Variants in STX17 observed in about 807,000 individuals in gnomAD.
The protein encoded by STX17 is syntaxin 17, also known as syntaxin-17.
Under a neutral mutation model 35.9 loss-of-function variants are expected in STX17, and 29 were observed. The observed-to-expected ratio is 0.81, with a 90% CI of 0.60 to 1.10. The LOEUF (loss-of-function observed/expected upper bound fraction) is 1.10. Among genes scored for constraint, STX17 ranks in the 50% least tolerant of loss-of-function variants. STX17 has a pLI of 0.00. For missense variants in STX17, 312 were observed against 352.3 expected, an observed-to-expected ratio of 0.89 and a Z score of 0.92; for synonymous variants, 92 against 118.3, an observed-to-expected ratio of 0.78 and a Z score of 1.44.
In STX17 at chr9:99,951,230, T is replaced by C. The variant is rs762206454; in HGVS notation, c.360T>C (p.Phe120=). 1 of 1,612,938 alleles carries C rather than the reference T, an allele frequency of 6.2e-7. No homozygotes were observed. The highest frequency in any genetic ancestry group is 1.3e-5 in the African/African-American group (1 of 74,870). Residue 120 remains phenylalanine, a synonymous_variant, in exon 4 of 8, where the codon TTT becomes TTC. Transcript: ENST00000259400. ...CTGTAGAAGAACTTAAGAAGCAATT[T>C]AATGATGAAGAAACTTTGCTACAGC... ...LESVEELKKQ[F]NDEETLLQPP...
Position 99,951,163 on chromosome 9 carries a change from C to CTGTTA in STX17, c.293_294insTGTTA (p.Ser99ValfsTer17). 6.2e-7 allele frequency: 1 copy of CTGTTA among 1,613,076 alleles called. No individual in the cohort carries two copies. Among genetic ancestry groups the CTGTTA allele is most frequent in the Non-Finnish European group, 8.5e-7 (1 of 1,179,240 alleles). ...ATGATAGATCCTGTTAAAGAAGAAG[C>CTGTTA]ATCAGCAGCAACAGCAGAATTTCTC... On this transcript the variant is annotated frameshift_variant, in exon 4 of 8. Coordinates refer to ENST00000259400, the MANE Select transcript of STX17 (RefSeq NM_017919.3). LOFTEE classifies it high-confidence loss of function.
intron 3 of STX17, among the ~76,000 whole-genome samples, chr9:99,933,167 C>T (rs1027761660): frequency 3.8e-4 from 58 of 152,262 alleles, no homozygotes; most frequent in African/African-American, 1.3e-3. Flanking sequence ...TTGAAAATCA[C>T]TTGTGTGTTA....
At chr9:99,913,309 T>G (rs958443490) in intron 1 of STX17, among the ~76,000 whole-genome samples, 1 of 152,120 alleles carries the variant, frequency 6.6e-6, no homozygotes, top group Non-Finnish European at 1.5e-5. Flanking sequence ...GGACTTCTAC[T>G]TGTTATTAAG....
chr9:99,940,375 G>A (rs1471867383), intron 3 of STX17, among the ~76,000 whole-genome samples: 11 of 151,674 alleles, frequency 7.3e-5, no homozygotes, highest in Admixed American at 2.6e-4. Flanking sequence ...CAAGTGATCC[G>A]CCCGCGTCGG....
chr9:99,944,968 A>G (rs888849837), intron 3 of STX17, among the ~76,000 whole-genome samples: 10 of 152,208 alleles, frequency 6.6e-5, no homozygotes, highest in African/African-American at 2.4e-4. Flanking sequence ...TCTGTATGAT[A>G]TCAGTGTCAA....
rs1829802972 is a variant in STX17, at chr9:99,960,296, TG to T, written c.582+142del. On this transcript the variant is annotated intron_variant, in intron 6 of 7. Transcript: ENST00000259400. ...ATTAAGCCATAGATAGAAGTTTAAC[TG>T]TTCTCAAATTCCAGATTAATTCAAG... The T allele has an allele frequency of 7.0e-6, 6 of 856,412 alleles. No homozygotes were observed. In the South Asian group the frequency reaches 1.1e-4, roughly 16 times the overall value. 53.1% of individuals were successfully genotyped at this position (856,412 alleles called of 1,614,324 possible).
chr9:99,927,660 A>T (rs554655781), intron 2 of STX17, among the ~76,000 whole-genome samples: 1 of 152,088 alleles, frequency 6.6e-6, no homozygotes, highest in African/African-American at 2.4e-5. Context: ...TACTTTTAGT[A>T]GAGACGGGGT....
At chr9:99,937,780 G>C (rs768689801) in intron 3 of STX17, 2 of 152,040 alleles carry the variant, frequency 1.3e-5, no homozygotes, top group African/African-American at 4.8e-5. Flanking sequence ...TGTGTCTAGT[G>C]ATATTTGATT....
In STX17 at chr9:99,967,568, C is replaced by T. The variant is rs893114909; in HGVS notation, c.583-85C>T. 4.1e-6 allele frequency: 5 copies of T among 1,221,186 alleles called. No individual in the cohort carries two copies. The African/African-American group carries it at 6.0e-5, about 15-fold the overall frequency. 75.6% of individuals were successfully genotyped at this position (1,221,186 alleles called of 1,614,324 possible). Reference sequence around the variant, plus strand: ...ATGGCAAGGCTGCAGTACCCAGGGCCCTGATTACAGGAATTAAAATAGTGT... The same window carrying T: ...ATGGCAAGGCTGCAGTACCCAGGGCTCTGATTACAGGAATTAAAATAGTGT... On this transcript the variant is annotated intron_variant, in intron 6 of 7. Transcript: ENST00000259400.
At chr9:99,949,610 C>T (rs904691413) in intron 3 of STX17, among the ~76,000 whole-genome samples, 1 of 151,822 alleles carries the variant, frequency 6.6e-6, no homozygotes, top group Non-Finnish European at 1.5e-5. Context: ...TGTAACACCT[C>T]ACTCAGAGTA....
intron 4 of STX17, among the ~76,000 whole-genome samples, chr9:99,955,734 A>G (rs1302477817): frequency 1.3e-5 from 2 of 152,116 alleles, no homozygotes; most frequent in African/African-American, 2.4e-5. Flanking sequence ...TTTAAAACCA[A>G]TCCTGGGGTT....
chr9:99,913,039 G>A (rs918081096), intron 1 of STX17, among the ~76,000 whole-genome samples: 3 of 151,840 alleles, frequency 2.0e-5, no homozygotes, highest in Non-Finnish European at 2.9e-5. Context: ...CACTTTGAAG[G>A]TATTTCTGTC....
chr9:99,932,397 A>C (rs1487244640), intron 3 of STX17, among the ~76,000 whole-genome samples: 1 of 21,918 alleles, frequency 4.6e-5, no homozygotes, highest in African/African-American at 2.7e-4. Flanking sequence ...ATCTCTCTAT[A>C]GCTGTATTTA....
chr9:99,921,512 A>G (rs776866107), intron 2 of STX17, among the ~76,000 whole-genome samples: 1 of 151,710 alleles, frequency 6.6e-6, no homozygotes, highest in African/African-American at 2.4e-5. Context: ...ATAATTATGC[A>G]TTCTTTGTTT....
At chr9:99,912,543 A>C in intron 1 of STX17, among the ~76,000 whole-genome samples, 1 of 152,166 alleles carries the variant, frequency 6.6e-6, no homozygotes, top group East Asian at 1.9e-4. Flanking sequence ...CTAGTTGGCA[A>C]ATATTTTCTC....
In STX17 at chr9:99,959,965, A is replaced by G; in HGVS notation, c.464A>G (p.Gln155Arg). The change falls in exon 5 of 8, where the codon CAG becomes CGG. Residue 155 changes from glutamine (Q) to arginine (R), a missense_variant. Physicochemically the swap from Gln to Arg is conservative, Grantham distance 43. Coordinates refer to ENST00000259400, the MANE Select transcript of STX17 (RefSeq NM_017919.3). ...EAEASSQSLT[Q>R]IYALPEIPQD... ...GAAGCTAGTTCTCAGAGTTTGACTC[A>G]GATATATGCCTTACCTGAAATTCCT... 6.2e-7 allele frequency: 1 copy of G among 1,613,938 alleles called. No homozygotes were observed. The highest frequency in any genetic ancestry group is 8.5e-7 in the Non-Finnish European group (1 of 1,179,954).
chr9:99,916,502 G>A (rs1667556071), intron 2 of STX17, among the ~76,000 whole-genome samples: 1 of 150,312 alleles, frequency 6.7e-6, no homozygotes, highest in Non-Finnish European at 1.5e-5. Flanking sequence ...TGGTCATTAA[G>A]CCTTTCAATA....
intron 1 of STX17, among the ~76,000 whole-genome samples, chr9:99,909,567 ATGTAATAGCCTTT>A (rs1828618908): frequency 6.6e-6 from 1 of 152,260 alleles, no homozygotes; most frequent in Non-Finnish European, 1.5e-5. Context: ...TACATTTAAC[ATGTAATAGCCTTT>A]TATGAGTTAA....
At chr9:99,950,625 A>G (rs1829573088) in intron 3 of STX17, among the ~76,000 whole-genome samples, 1 of 152,030 alleles carries the variant, frequency 6.6e-6, no homozygotes, top group South Asian at 2.1e-4. Context: ...ATGGCAAATT[A>G]TAGATTACTG....
Sources: gnomAD v4.1 joint callset for allele counts (sites outside exome capture counted in the v4.1 genomes callset) on GRCh38, gnomAD v4.1.1 for gene constraint, MANE v1.5 for transcripts, NCBI Gene and HGNC (gene_info 2026-07-23, HGNC 2026-07-21) for gene names.